Variants in NR3C2 observed in about 807,000 individuals in gnomAD.
NR3C2 encodes the protein mineralocorticoid receptor.
In NR3C2, 15 loss-of-function variants were observed where a neutral mutation model predicts 86.4. The ratio of observed to expected loss-of-function variants is 0.17; its 90% confidence interval spans 0.12 to 0.27. The LOEUF (loss-of-function observed/expected upper bound fraction) is 0.27. NR3C2 is among the 10% of genes least tolerant of loss of function. The pLI, the probability that NR3C2 is intolerant of heterozygous loss-of-function variation, is 1.00. For missense variants in NR3C2, 960 were observed against 1,195.6 expected (o/e 0.80, Z 2.91); for synonymous variants, 458 against 450.5 (o/e 1.02, Z -0.21).
chr4:148,114,401 C>A, intron 7 of NR3C2, 140 bp from the exon 8 acceptor site: 1 of 883,612 alleles, frequency 1.1e-6, no homozygotes, highest in Non-Finnish European at 1.8e-6. Context: ...TGGCAGCTGT[C>A]TACTGGCAAA....
intron 2 of NR3C2, among the ~76,000 whole-genome samples, chr4:148,417,044 T>A (rs1255356512): frequency 6.6e-6 from 1 of 152,208 alleles, no homozygotes; most frequent in Admixed American, 6.5e-5. Context: ...CGCAAAGTGC[T>A]GGGATTACAG....
At chr4:148,167,999 A>G (rs556171460) in intron 4 of NR3C2, among the ~76,000 whole-genome samples, 1 of 152,312 alleles carries the variant, frequency 6.6e-6, no homozygotes, top group Admixed American at 6.5e-5. Context: ...TGGGCAGCAA[A>G]CAAGCAGGCG....
chr4:148,433,313 A>G (rs746232452), intron 2 of NR3C2, among the ~76,000 whole-genome samples: 44 of 152,232 alleles, frequency 2.9e-4, no homozygotes, highest in Admixed American at 1.0e-3. Flanking sequence ...ATAAAAAAGC[A>G]TAAATAGAAC....
intron 4 of NR3C2, among the ~76,000 whole-genome samples, chr4:148,193,118 G>A (rs1157186401): frequency 6.6e-6 from 1 of 152,180 alleles, no homozygotes; most frequent in African/African-American, 2.4e-5. Context: ...AGGTAGGAGT[G>A]GGCTGCTTGG....
chr4:148,368,186 T>G (rs559523759), intron 2 of NR3C2: 28 of 152,378 alleles, frequency 1.8e-4, no homozygotes, highest in African/African-American at 6.0e-4. Flanking sequence ...CAGTCACCTC[T>G]ACCTCTTCCT....
rs1218859573 is a variant in NR3C2 at position 148,435,096 on chromosome 4, C to A, written c.1757+8G>T. The A allele has an allele frequency of 6.2e-7, 1 of 1,613,966 alleles. No homozygotes were observed. The highest frequency in any genetic ancestry group is 1.7e-5 in the Admixed American group (1 of 60,018). ...TGACTTCCAAAAAAATGGAGAAAAC[C>A]AACTTACCTTGATACATTTTCTGGA... On this transcript the variant is annotated splice_region_variant and intron_variant, in intron 2 of 8. Transcript: ENST00000358102.
At chr4:148,307,051 C>T (rs1388744265) in intron 2 of NR3C2, among the ~76,000 whole-genome samples, 2 of 151,896 alleles carry the variant, frequency 1.3e-5, no homozygotes, top group African/African-American at 4.8e-5. Context: ...ATTTTTGTGA[C>T]ACTTTAGTGT....
chr4:148,390,358 G>A (rs946131516), intron 2 of NR3C2, among the ~76,000 whole-genome samples: 5 of 152,072 alleles, frequency 3.3e-5, no homozygotes, highest in Admixed American at 6.6e-5. Flanking sequence ...AAGTATCTTG[G>A]GGTGGAGTTA....
chr4:148,433,039 A>G (rs1749867745), intron 2 of NR3C2, among the ~76,000 whole-genome samples: 1 of 152,172 alleles, frequency 6.6e-6, no homozygotes, highest in Admixed American at 6.5e-5. Flanking sequence ...GGAATTTTGG[A>G]ATACTCAAGA....
At chr4:148,282,063 G>T (rs759363561) in intron 2 of NR3C2, among the ~76,000 whole-genome samples, 57 of 152,048 alleles carry the variant, frequency 3.7e-4, no homozygotes, top group Non-Finnish European at 6.9e-4. Context: ...ACAGAGTCTC[G>T]CTGTTGTCCA....
At chr4:148,170,749 T>TA (rs1285869516) in intron 4 of NR3C2, among the ~76,000 whole-genome samples, 1 of 152,244 alleles carries the variant, frequency 6.6e-6, no homozygotes, top group Non-Finnish European at 1.5e-5. Context: ...ATTTAAAACT[T>TA]ACATTTAGTT....
intron 2 of NR3C2, among the ~76,000 whole-genome samples, chr4:148,398,232 G>A (rs1747959910): frequency 3.3e-5 from 5 of 152,188 alleles, no homozygotes; most frequent in Admixed American, 2.6e-4. Flanking sequence ...CCAGTAGGAC[G>A]TGATCATATC....
intron 2 of NR3C2, among the ~76,000 whole-genome samples, chr4:148,380,364 T>C (rs183740266): frequency 5.1e-4 from 78 of 152,350 alleles, no homozygotes; most frequent in Admixed American, 4.1e-3. Context: ...CGTTCATCAG[T>C]TGATAGACAT....
At chr4:148,240,196 G>A (rs919776176) in intron 3 of NR3C2, among the ~76,000 whole-genome samples, 1 of 148,398 alleles carries the variant, frequency 6.7e-6, no homozygotes, top group Non-Finnish European at 1.5e-5. Context: ...AATGTAATCA[G>A]TATAAAAATT....
intron 2 of NR3C2, among the ~76,000 whole-genome samples, chr4:148,369,925 T>C (rs1409756867): frequency 6.6e-6 from 1 of 152,244 alleles, no homozygotes; most frequent in Non-Finnish European, 1.5e-5. Flanking sequence ...GTGAAATTGA[T>C]GGGCACTGAG....
chr4:148,224,764 ACT>A, intron 3 of NR3C2, among the ~76,000 whole-genome samples: 1 of 152,302 alleles, frequency 6.6e-6, no homozygotes, highest in Middle Eastern at 3.4e-3. Flanking sequence ...AAATGGTAAT[ACT>A]GATAACAATA....
chr4:148,364,184 T>C (rs1342646899), intron 2 of NR3C2, among the ~76,000 whole-genome samples: 1 of 152,200 alleles, frequency 6.6e-6, no homozygotes, highest in Non-Finnish European at 1.5e-5. Context: ...AGTATGTTCT[T>C]CCCTCCTGCC....
intron 2 of NR3C2, among the ~76,000 whole-genome samples, chr4:148,359,586 G>A (rs1174149397): frequency 1.3e-5 from 2 of 152,142 alleles, no homozygotes; most frequent in African/African-American, 4.8e-5. Flanking sequence ...TTTCACTGCT[G>A]TCCAAGTATC....
intron 3 of NR3C2, among the ~76,000 whole-genome samples, chr4:148,214,327 A>G (rs1737418771): frequency 6.6e-6 from 1 of 151,996 alleles, no homozygotes; most frequent in Non-Finnish European, 1.5e-5. Context: ...TACATACCAT[A>G]TTGTCTAGGC....
Sources: allele counts gnomAD v4.1 joint callset (sites outside exome capture counted in the v4.1 genomes callset), GRCh38; gene constraint gnomAD v4.1.1; transcripts MANE v1.5; gene names NCBI Gene and HGNC (gene_info 2026-07-23, HGNC 2026-07-21).